DAB2IP: variants seen among roughly 807,000 people sequenced by gnomAD.
The protein encoded by DAB2IP is disabled homolog 2-interacting protein.
DAB2IP carries 28 observed loss-of-function variants against 107.2 expected under a neutral mutation model. The ratio of observed to expected loss-of-function variants is 0.26; its 90% confidence interval spans 0.19 to 0.36. The LOEUF (loss-of-function observed/expected upper bound fraction) is 0.36, where lower values mean the gene tolerates loss of function less well. DAB2IP is among the 10% of genes least tolerant of loss of function. DAB2IP has a pLI of 1.00. For synonymous variants in DAB2IP, 755 were observed against 706.4 expected (o/e 1.07, Z -1.09); for missense variants, 1,400 against 1,644.7 (o/e 0.85, Z 2.57).
At chr9:121,721,924 G>A (rs1442699128) in intron 3 of DAB2IP, among the ~76,000 whole-genome samples, 1 of 152,130 alleles carries the variant, frequency 6.6e-6, no homozygotes, top group Non-Finnish European at 1.5e-5. Context: ...ATGGGGCCCC[G>A]CCCAGTCATG....
intron 14 of DAB2IP, among the ~76,000 whole-genome samples, chr9:121,779,052 T>C (rs937375446): frequency 6.6e-6 from 1 of 152,212 alleles, no homozygotes; most frequent in Non-Finnish European, 1.5e-5. Context: ...CGTATCTCAC[T>C]GATGCTCTGT....
chr9:121,583,068 G>GAACAA (rs1830234692), intron 1 of DAB2IP, among the ~76,000 whole-genome samples: 3 of 152,224 alleles, frequency 2.0e-5, no homozygotes, highest in Admixed American at 1.3e-4. Flanking sequence ...CACGAAAACA[G>GAACAA]AACAAAACAA....
chr9:121,760,171 T>C lies in DAB2IP; in HGVS notation c.902T>C (p.Val301Ala). The C allele has an allele frequency of 6.2e-7, 1 of 1,613,766 alleles. No individual in the cohort carries two copies. Among genetic ancestry groups the C allele is most frequent in the Non-Finnish European group, 8.5e-7 (1 of 1,180,028 alleles). The change falls in exon 6 of 16, where the codon GTG (valine) becomes GCG (alanine). Residue 301 changes from valine (V) to alanine (A), a missense_variant. Physicochemically the swap from Val to Ala is moderately conservative, Grantham distance 64 (BLOSUM62 0). This residue lies in a region of DAB2IP where 517 missense variants were observed against 748.6 expected (regional missense o/e 0.69). Transcript: ENST00000408936. The surrounding 1 kb of genome is among the most constrained non-coding windows in gnomAD (Gnocchi z 5.9). ...CTGGTGAGCCTACCTGCTGCCTCGG[T>C]GGCCGGGCGGCAGTTCGTGGAGAAG...
intron 8 of DAB2IP, 30 bp from the exon 9 acceptor site, chr9:121,766,464 C>T: frequency 1.3e-6 from 2 of 1,588,170 alleles, no homozygotes; most frequent in Non-Finnish European, 1.7e-6. Flanking sequence ...TGCCTGACAG[C>T]CAAGCCCACC....
Position 121,776,705 on chromosome 9 carries a change from C to T in DAB2IP, c.3314+314C>T, listed in dbSNP as rs1388506807. 6.6e-6 allele frequency among the ~76,000 whole-genome samples: 1 copy of T among 152,162 alleles called. No homozygotes were observed. The highest frequency in any genetic ancestry group is 1.5e-5 in the Non-Finnish European group (1 of 68,018). ...AAGCACTCTCAGGGGCGCTGAGAAG[C>T]TGGATTGGGGGGTGCCAGGAAAGAC... On this transcript the variant is annotated intron_variant, in intron 14 of 15. Transcript: ENST00000408936. This position sits in a 1 kb window ranked among gnomAD's most constrained non-coding sequence, Gnocchi z 5.4.
chr9:121,713,335 C>G (rs1454933904), intron 3 of DAB2IP, among the ~76,000 whole-genome samples: 1 of 152,084 alleles, frequency 6.6e-6, no homozygotes, highest in Non-Finnish European at 1.5e-5. Context: ...CTGACAGTGC[C>G]CTTCCCAGCT....
At chr9:121,766,117 G>T (rs1336685263) in intron 8 of DAB2IP, among the ~76,000 whole-genome samples, 1 of 152,226 alleles carries the variant, frequency 6.6e-6, no homozygotes, top group East Asian at 1.9e-4. Context: ...GTAGACACTG[G>T]CAGAGAGGTG....
At chr9:121,630,537 T>A (rs1831837953) in intron 1 of DAB2IP, among the ~76,000 whole-genome samples, 2 of 151,346 alleles carry the variant, frequency 1.3e-5, no homozygotes, top group Admixed American at 6.6e-5. Context: ...AAAAAAATTT[T>A]TTTTTTTTTT....
intron 13 of DAB2IP, 70 bp downstream of exon 13, chr9:121,774,482 C>T (rs966505656): frequency 1.6e-5 from 24 of 1,461,328 alleles, no homozygotes; most frequent in Admixed American, 2.7e-5. Flanking sequence ...AGGAGTCTCT[C>T]CCCCAGGTCC....
intron 1 of DAB2IP, among the ~76,000 whole-genome samples, chr9:121,589,038 C>A (rs529279855): frequency 6.6e-6 from 1 of 152,218 alleles, no homozygotes; most frequent in East Asian, 1.9e-4. Flanking sequence ...TCTGACCTAA[C>A]CCTTCCTGTC....
intron 1 of DAB2IP, among the ~76,000 whole-genome samples, chr9:121,642,050 T>TCTTTCTTG (rs1564129006): frequency 2.0e-5 from 1 of 51,080 alleles, no homozygotes; most frequent in Non-Finnish European, 3.5e-5. Flanking sequence ...TTTCTTTCTT[T>TCTTTCTTG]CTTTCTTTCT....
At chr9:121,585,725 A>C (rs1481811656) in intron 1 of DAB2IP, among the ~76,000 whole-genome samples, 2 of 152,136 alleles carry the variant, frequency 1.3e-5, no homozygotes, top group Admixed American at 1.3e-4. Context: ...CATGTGGTGC[A>C]TACCTGATGT....
intron 1 of DAB2IP, among the ~76,000 whole-genome samples, chr9:121,674,876 G>GGTTTGTGT (rs1554722849): frequency 4.0e-5 from 6 of 150,188 alleles, no homozygotes; most frequent in African/African-American, 1.5e-4. Context: ...TGGCCAGGGT[G>GGTTTGTGT]GTGTGTGTGT....
exon 4 of DAB2IP, chr9:121,757,077 G>A: frequency 6.2e-7 from 1 of 1,614,224 alleles, no homozygotes; most frequent in Non-Finnish European, 8.5e-7. Flanking sequence ...CCCCAGCAGT[G>A]CGGTGGAGGC....
At chr9:121,572,178 GT>G (rs1246254708) in intron 1 of DAB2IP, among the ~76,000 whole-genome samples, 1 of 152,114 alleles carries the variant, frequency 6.6e-6, no homozygotes, top group Admixed American at 6.5e-5. Flanking sequence ...TTCTTTTGGA[GT>G]CCTGCTATTT....
At chr9:121,669,551 A>T (rs1256221701) in intron 1 of DAB2IP, among the ~76,000 whole-genome samples, 1 of 152,180 alleles carries the variant, frequency 6.6e-6, no homozygotes, top group African/African-American at 2.4e-5. Flanking sequence ...TGGGATTCAC[A>T]CTAGATGAAT....
chr9:121,771,759 G>A (rs777695295), intron 11 of DAB2IP, among the ~76,000 whole-genome samples: 11 of 152,088 alleles, frequency 7.2e-5, no homozygotes, highest in Non-Finnish European at 1.3e-4. Flanking sequence ...TCCCAGGCCC[G>A]TGAGCACTGC....
intron 3 of DAB2IP, among the ~76,000 whole-genome samples, chr9:121,724,958 G>A (rs1831149464): frequency 6.6e-6 from 1 of 152,110 alleles, no homozygotes; most frequent in Admixed American, 6.5e-5. Flanking sequence ...GGGCAGGTCG[G>A]GGACTTCAGT....
chr9:121,695,081 C>G (rs917229165), intron 2 of DAB2IP, among the ~76,000 whole-genome samples: 1 of 152,104 alleles, frequency 6.6e-6, no homozygotes. Flanking sequence ...CTGAGCAGCC[C>G]TGCCTGCCCC....
Sources: gnomAD v4.1 joint callset for allele counts (sites outside exome capture counted in the v4.1 genomes callset) on GRCh38, gnomAD v4.1.1 for gene constraint, gnomAD v4.1.1 regional missense constraint, Gnocchi (gnomAD v3.1) non-coding constraint, MANE v1.5 for transcripts, NCBI Gene and HGNC (gene_info 2026-07-23, HGNC 2026-07-21) for gene names.